ARHGAP15: variants seen among roughly 807,000 people sequenced by gnomAD.
ARHGAP15 encodes the protein rho GTPase-activating protein 15.
A neutral mutation model predicts 63.7 loss-of-function variants in ARHGAP15; 51 were observed. The ratio of observed to expected loss-of-function variants is 0.80; its 90% CI spans 0.64 to 1.01. The LOEUF is 1.01. ARHGAP15 is among the 50% of genes least tolerant of loss of function. The pLI, the probability that ARHGAP15 is intolerant of heterozygous loss-of-function variation, is 0.00. For missense variants in ARHGAP15, 560 were observed against 564.6 expected, an observed-to-expected ratio of 0.99 and a Z score of 0.08; for synonymous variants, 191 against 193.8, an observed-to-expected ratio of 0.99 and a Z score of 0.12.
At chr2:143,294,884 T>C (rs1026957404) in intron 6 of ARHGAP15, among the ~76,000 whole-genome samples, 1 of 152,096 alleles carries the variant, frequency 6.6e-6, no homozygotes, top group Non-Finnish European at 1.5e-5. Flanking sequence ...GAAAATTTAA[T>C]TGAATTCTAA....
At chr2:143,172,928 C>T (rs556491061) in intron 2 of ARHGAP15, among the ~76,000 whole-genome samples, 5 of 151,948 alleles carry the variant, frequency 3.3e-5, no homozygotes, top group African/African-American at 1.2e-4. Flanking sequence ...TGAGACAAAG[C>T]GTAGAAATAT....
intron 8 of ARHGAP15, among the ~76,000 whole-genome samples, chr2:143,470,843 T>C (rs1007254731): frequency 2.7e-5 from 4 of 150,312 alleles, no homozygotes; most frequent in East Asian, 3.9e-4. Context: ...TATATATATA[T>C]ACACACACAC....
At chr2:143,703,647 T>A in intron 13 of ARHGAP15, 123 bp downstream of exon 13, 1 of 691,730 alleles carries the variant, frequency 1.4e-6, no homozygotes. Context: ...CCCTTGTAGC[T>A]GAACTAGGTC....
Position 143,134,703 on chromosome 2 carries a change from C to T in ARHGAP15, c.-15+5237C>T, listed in dbSNP as rs755922660. On this transcript the variant is annotated intron_variant, in intron 1 of 13. Transcript: ENST00000295095. Reference sequence around the variant, plus strand: ...AAGCTGGAGTGCAGTGGTGCAATCTCGGCTCACTGCAAGCTCGGCCTCCCG... The same window carrying T: ...AAGCTGGAGTGCAGTGGTGCAATCTTGGCTCACTGCAAGCTCGGCCTCCCG... Among the ~76,000 whole-genome samples, 199 of 148,406 alleles carry T rather than the reference C, an allele frequency of 1.3e-3. 1 individual carries two copies. Among genetic ancestry groups the T allele is most frequent in the Non-Finnish European group, 1.8e-3 (122 of 67,628 alleles).
chr2:143,142,019 TA>T (rs1689390912), intron 1 of ARHGAP15, among the ~76,000 whole-genome samples: 1 of 152,126 alleles, frequency 6.6e-6, no homozygotes, highest in South Asian at 2.1e-4. Context: ...TCTCTTACCA[TA>T]CACACCTGGA....
chr2:143,724,610 CAAGTGG>C (rs1010349245), intron 13 of ARHGAP15, among the ~76,000 whole-genome samples: 6 of 151,946 alleles, frequency 3.9e-5, no homozygotes, highest in African/African-American at 1.5e-4. Context: ...ATCATTTTAG[CAAGTGG>C]GTAAGTGGAG....
intron 6 of ARHGAP15, among the ~76,000 whole-genome samples, chr2:143,323,844 G>A (rs973678191): frequency 1.6e-5 from 2 of 123,000 alleles, no homozygotes; most frequent in Non-Finnish European, 3.2e-5. Flanking sequence ...AGAGTGAGCC[G>A]AGATCGCACC....
intron 12 of ARHGAP15, among the ~76,000 whole-genome samples, chr2:143,637,705 C>T (rs1680391430): frequency 6.7e-6 from 1 of 150,368 alleles, no homozygotes; most frequent in Admixed American, 6.6e-5. Context: ...AAATTTACAA[C>T]ATTTGGGGAG....
At chr2:143,202,372 A>T (rs1692155185) in intron 3 of ARHGAP15, among the ~76,000 whole-genome samples, 170 bp downstream of exon 3, 1 of 152,026 alleles carries the variant, frequency 6.6e-6, no homozygotes. Context: ...GTTGCAACAA[A>T]AGCATCAGCC....
At chr2:143,224,178 G>A (rs1241052089) in intron 4 of ARHGAP15, among the ~76,000 whole-genome samples, 6 of 152,076 alleles carry the variant, frequency 3.9e-5, no homozygotes, top group Admixed American at 3.9e-4. Context: ...CTCAGGTATT[G>A]GACACTAGAA....
chr2:143,759,725 G>A (rs773257962), intron 13 of ARHGAP15, among the ~76,000 whole-genome samples: 5 of 152,052 alleles, frequency 3.3e-5, no homozygotes, highest in Non-Finnish European at 7.4e-5. Context: ...TGTGCACCTC[G>A]ACAGGACTCT....
intron 6 of ARHGAP15, among the ~76,000 whole-genome samples, chr2:143,413,265 G>A (rs1167718632): frequency 1.3e-5 from 2 of 152,112 alleles, no homozygotes; most frequent in Non-Finnish European, 1.5e-5. Flanking sequence ...ACCTTAATCC[G>A]AGTAGAGATG....
intron 6 of ARHGAP15, among the ~76,000 whole-genome samples, chr2:143,363,159 C>T (rs1686136663): frequency 6.6e-6 from 1 of 152,192 alleles, no homozygotes. Context: ...TTTCACTTTG[C>T]TGTGGCCACA....
At position 143,569,797 on chromosome 2, in the gene ARHGAP15, G is replaced by C. The variant is rs1696379919; in HGVS notation, c.1003+13312G>C. ...AGTACATACAGGGGACAAATTAGAAGGTTGTTACAGTAGCACAGTCAAGCT... is the reference window on the plus strand; with the variant it reads ...AGTACATACAGGGGACAAATTAGAACGTTGTTACAGTAGCACAGTCAAGCT... On this transcript the variant is annotated intron_variant, in intron 11 of 13. Transcript: ENST00000295095. 1.3e-5 allele frequency among the ~76,000 whole-genome samples: 2 copies of C among 152,160 alleles called. 1 individual carries two copies. Among genetic ancestry groups the C allele is most frequent in the Admixed American group, 1.3e-4 (2 of 15,280 alleles).
chr2:143,251,390 G>A (rs750010797), intron 6 of ARHGAP15, among the ~76,000 whole-genome samples: 1 of 152,000 alleles, frequency 6.6e-6, no homozygotes, highest in Non-Finnish European at 1.5e-5. Flanking sequence ...AATGTCTTCT[G>A]AGAGCATGTT....
chr2:143,552,775 T>A (rs1465131453), intron 10 of ARHGAP15, among the ~76,000 whole-genome samples: 1 of 152,122 alleles, frequency 6.6e-6, no homozygotes, highest in Non-Finnish European at 1.5e-5. Context: ...ATGACTTAGT[T>A]TTATCGTGTT....
At chr2:143,157,602 T>C (rs1574024566) in intron 2 of ARHGAP15, among the ~76,000 whole-genome samples, 1 of 151,772 alleles carries the variant, frequency 6.6e-6, no homozygotes, top group Non-Finnish European at 1.5e-5. Context: ...TGCATAATTA[T>C]ATAAAAGGGG....
At position 143,667,512 on chromosome 2, in the gene ARHGAP15, T is replaced by C. The variant is rs185437960; in HGVS notation, c.1139-35907T>C. On this transcript the variant is annotated intron_variant, in intron 12 of 13. Transcript: ENST00000295095. ...GTGCAGCGCACCAGCATGGCACATG[T>C]ATACACATGTAACTAACCTGAACAA... Among the ~76,000 whole-genome samples the C allele has an allele frequency of 5.7e-3, 854 of 148,760 alleles. 7 individuals are homozygous for C. The highest frequency in any genetic ancestry group is 0.02 in the African/African-American group (815 of 39,778).
At chr2:143,516,778 A>C (rs1693838996) in intron 9 of ARHGAP15, among the ~76,000 whole-genome samples, 1 of 152,098 alleles carries the variant, frequency 6.6e-6, no homozygotes, top group South Asian at 2.1e-4. Context: ...TCTTTCTTGG[A>C]GTGGTTACAC....
Sources: gnomAD v4.1 joint callset for allele counts (sites outside exome capture counted in the v4.1 genomes callset) on GRCh38, gnomAD v4.1.1 for gene constraint, MANE v1.5 for transcripts, NCBI Gene and HGNC (gene_info 2026-07-23, HGNC 2026-07-21) for gene names.